POLR1A: variants seen among roughly 807,000 people sequenced by gnomAD.
POLR1A encodes DNA-directed RNA polymerase I subunit RPA1.
In POLR1A, 84 loss-of-function variants were observed where a neutral mutation model predicts 205.3. That is an observed-to-expected ratio of 0.41 (90% CI 0.34 to 0.49). The LOEUF is 0.49. Ranked by LOEUF, POLR1A falls within the 20% of genes least tolerant of loss-of-function variation. POLR1A has a pLI of 0.22. For synonymous variants in POLR1A, 799 were observed against 863.7 expected, an observed-to-expected ratio of 0.93 and a Z score of 1.31; for missense variants, 1,645 against 2,204.5, an observed-to-expected ratio of 0.75 and a Z score of 5.08.
intron 19 of POLR1A, among the ~76,000 whole-genome samples, chr2:86,046,372 C>T (rs1275957745): frequency 6.6e-6 from 1 of 152,086 alleles, no homozygotes; most frequent in Non-Finnish European, 1.5e-5. Flanking sequence ...ATACTCTTGG[C>T]GTGTTGGAGG....
chr2:86,066,638 C>CT (rs1426755595), intron 13 of POLR1A, among the ~76,000 whole-genome samples: 1 of 152,190 alleles, frequency 6.6e-6, no homozygotes, highest in East Asian at 1.9e-4. Context: ...TGTTTTATAA[C>CT]TAAGGCTAAG....
At chr2:86,049,391 A>C in intron 16 of POLR1A, 149 bp from the exon 17 acceptor site, 2 of 632,576 alleles carry the variant, frequency 3.2e-6, no homozygotes, top group Non-Finnish European at 5.6e-6. Flanking sequence ...CATTATTAAC[A>C]GATTGCCACC....
chr2:86,037,883 T>G (rs937582474), intron 27 of POLR1A, among the ~76,000 whole-genome samples: 2 of 152,234 alleles, frequency 1.3e-5, no homozygotes, highest in African/African-American at 2.4e-5. Flanking sequence ...CATTCCTGCA[T>G]AGTAACAGGT....
chr2:86,041,745 TG>T, intron 24 of POLR1A, 143 bp downstream of exon 24: 3 of 690,374 alleles, frequency 4.3e-6, no homozygotes, highest in Non-Finnish European at 7.6e-6. Context: ...GCGTTGCCCC[TG>T]GCTGTCTTAC....
intron 21 of POLR1A, among the ~76,000 whole-genome samples, chr2:86,045,031 T>C (rs1311932721): frequency 2.0e-5 from 3 of 152,108 alleles, no homozygotes; most frequent in South Asian, 2.1e-4. Flanking sequence ...CCCACAGCCA[T>C]AGCTTCCCCC....
At chr2:86,054,551 T>A (rs1411139324) in intron 14 of POLR1A, among the ~76,000 whole-genome samples, 1 of 152,176 alleles carries the variant, frequency 6.6e-6, no homozygotes, top group Non-Finnish European at 1.5e-5. Flanking sequence ...CTAAAATAGT[T>A]CTTAAAGTGA....
chr2:86,072,117 TTC>T (rs1276544176), intron 12 of POLR1A, among the ~76,000 whole-genome samples: 1 of 152,238 alleles, frequency 6.6e-6, no homozygotes, highest in Non-Finnish European at 1.5e-5. Context: ...GTTAAAAGTT[TTC>T]TCTCTCTAGC....
chr2:86,062,875 G>A (rs1673020999), intron 14 of POLR1A, among the ~76,000 whole-genome samples: 3 of 152,132 alleles, frequency 2.0e-5, no homozygotes, highest in Admixed American at 1.3e-4. Context: ...AATACAGATA[G>A]AAAAGGTCAA....
intron 18 of POLR1A, among the ~76,000 whole-genome samples, chr2:86,047,556 G>A (rs1373138435): frequency 6.6e-6 from 1 of 152,234 alleles, no homozygotes; most frequent in African/African-American, 2.4e-5. Context: ...AAAAGGAGAA[G>A]TAGAGGGGCT....
intron 19 of POLR1A, among the ~76,000 whole-genome samples, chr2:86,045,990 C>A (rs1230909362): frequency 6.6e-6 from 1 of 152,066 alleles, no homozygotes. Context: ...CATTTGGGGT[C>A]AGTTGAAAAT....
intron 6 of POLR1A, among the ~76,000 whole-genome samples, chr2:86,088,198 T>G (rs1372169966): frequency 1.3e-5 from 2 of 152,144 alleles, no homozygotes; most frequent in Non-Finnish European, 1.5e-5. Context: ...TTAAAAATTA[T>G]TCGCCTACAT....
chr2:86,050,042 C>T (rs1307872894), intron 16 of POLR1A, among the ~76,000 whole-genome samples: 5 of 152,062 alleles, frequency 3.3e-5, no homozygotes, highest in African/African-American at 1.2e-4. Context: ...CTCAGCCTCT[C>T]CAGTAGCTGG....
chr2:86,063,794 T>C (rs1445338911), intron 14 of POLR1A, among the ~76,000 whole-genome samples: 1 of 152,188 alleles, frequency 6.6e-6, no homozygotes, highest in Non-Finnish European at 1.5e-5. Context: ...GCTGAAGTCA[T>C]TGATTTGGGA....
intron 14 of POLR1A, among the ~76,000 whole-genome samples, chr2:86,057,244 A>G (rs911114789): frequency 2.6e-5 from 4 of 152,202 alleles, no homozygotes; most frequent in Non-Finnish European, 5.9e-5. Context: ...GGAGGAAGTA[A>G]TGGCAGCAGT....
Position 86,040,511 on chromosome 2 carries a change from C to G in POLR1A, c.3621G>C (p.Pro1207=), listed in dbSNP as rs560609619. ...CAGCCAGCAGGCCCACAGCCTCGCC[C>G]GGCTCACACAGTGAGCGCTGCCACT... ...QLKWQRSLCE[P]GEAVGLLAAQ... The change falls in exon 25 of 34, where the codon CCG becomes CCC. Residue 1207 remains proline, a synonymous_variant. Coordinates refer to ENST00000263857, the MANE Select transcript of POLR1A (RefSeq NM_015425.6). 2 of 1,609,270 alleles carry G rather than the reference C, an allele frequency of 1.2e-6. No individual in the cohort carries two copies. The highest frequency in any genetic ancestry group is 8.5e-7 in the Non-Finnish European group (1 of 1,177,878).
At position 86,036,584 on chromosome 2, in the gene POLR1A, T is replaced by C. The variant is rs1454757802; in HGVS notation, c.4034+2116A>G. ...TGGGGGTTGGCTGCTCTTTTGAAAG[T>C]GCACTCACACTTCCTCCCATTTCCT... On this transcript the variant is annotated intron_variant, in intron 27 of 33. Transcript: ENST00000263857. Among the ~76,000 whole-genome samples, 7 of 152,222 alleles carry C rather than the reference T, an allele frequency of 4.6e-5. No homozygotes were observed. The Middle Eastern group carries it at 0.01, about 222-fold the overall frequency.
At chr2:86,067,201 T>G (rs1673096260) in intron 13 of POLR1A, among the ~76,000 whole-genome samples, 1 of 152,184 alleles carries the variant, frequency 6.6e-6, no homozygotes, top group African/African-American at 2.4e-5. Context: ...ATTTCCTAAC[T>G]CCTGCTTAGG....
chr2:86,049,069 A>T, intron 17 of POLR1A, 27 bp from the exon 18 acceptor site: 1 of 1,614,104 alleles, frequency 6.2e-7, no homozygotes, highest in Non-Finnish European at 8.5e-7. Context: ...AACACAGCGG[A>T]GGCTGAGGCC....
At chr2:86,099,874 G>A in intron 2 of POLR1A, 94 bp downstream of exon 2, 1 of 1,025,598 alleles carries the variant, frequency 9.8e-7, no homozygotes, top group Non-Finnish European at 1.5e-6. Flanking sequence ...AGTGCCTGGG[G>A]CTTAACCTCC....
Sources: gnomAD v4.1 joint callset for allele counts (sites outside exome capture counted in the v4.1 genomes callset) on GRCh38, gnomAD v4.1.1 for gene constraint, MANE v1.5 for transcripts, NCBI Gene and HGNC (gene_info 2026-07-23, HGNC 2026-07-21) for gene names.